Variants in NRXN1 observed in about 807,000 individuals in gnomAD.
NRXN1 encodes neurexin-1.
NRXN1 carries 39 observed loss-of-function variants against 150.9 expected under a neutral mutation model. That is an observed-to-expected ratio of 0.26 (90% CI 0.20 to 0.34). NRXN1 has a LOEUF of 0.34. Ranked by LOEUF, NRXN1 falls within the 10% of genes least tolerant of loss-of-function variation. The pLI, the probability that NRXN1 is intolerant of heterozygous loss-of-function variation, is 1.00. For missense variants in NRXN1, 1,815 were observed against 1,949.9 expected (o/e 0.93, Z 1.30); for synonymous variants, 924 against 757.0 (o/e 1.22, Z -3.62).
chr2:50,684,236 C>A (rs1690895858), intron 5 of NRXN1, among the ~76,000 whole-genome samples: 1 of 152,110 alleles, frequency 6.6e-6, no homozygotes, highest in African/African-American at 2.4e-5. Flanking sequence ...GTGGCTCATG[C>A]CTGTAATCCC....
At chr2:50,768,558 C>T (rs964159359) in intron 5 of NRXN1, among the ~76,000 whole-genome samples, 6 of 151,646 alleles carry the variant, frequency 4.0e-5, no homozygotes, top group Admixed American at 2.6e-4. Context: ...CTGCCCATGT[C>T]GGCCTCCCAA....
chr2:50,065,057 G>T lies in NRXN1; in HGVS notation c.3719-10013C>A, dbSNP rs570812612. ...GCTACAATTAAGTTTCATGCATGCT[G>T]GGAAATCCAGTTTTTCCGTATGAAA... is the stretch of plus-strand genomic sequence containing the variant. On this transcript the variant is annotated intron_variant, in intron 19 of 22. Transcript: ENST00000401669. Among the ~76,000 whole-genome samples the T allele has an allele frequency of 1.1e-3, 165 of 152,248 alleles. 2 individuals are homozygous for T. The highest frequency in any genetic ancestry group is 3.8e-3 in the African/African-American group (159 of 41,546).
intron 17 of NRXN1, among the ~76,000 whole-genome samples, chr2:50,393,802 A>G (rs550419221): frequency 6.6e-6 from 1 of 152,204 alleles, no homozygotes; most frequent in Non-Finnish European, 1.5e-5. Context: ...TACAATTCCC[A>G]GGAAAAAAGA....
At position 50,172,840 on chromosome 2, in the gene NRXN1, G is replaced by A. The variant is rs566460113; in HGVS notation, c.3546+63949C>T. On this transcript the variant is annotated intron_variant, in intron 18 of 22. Transcript: ENST00000401669. ...AAATTAGCCAGGCGTGGTAGTGGGC[G>A]CCTGTAGTCCCAGCCACTTGGGAGG... Among the ~76,000 whole-genome samples, 36 of 152,208 alleles carry A rather than the reference G, an allele frequency of 2.4e-4. No individual in the cohort carries two copies. In the Middle Eastern group the frequency reaches 0.02, roughly 86 times the overall value.
At chr2:50,948,434 CTT>C (rs1392938715) in intron 2 of NRXN1, among the ~76,000 whole-genome samples, 4 of 151,966 alleles carry the variant, frequency 2.6e-5, no homozygotes, top group Non-Finnish European at 5.9e-5. Flanking sequence ...AAAAAACACA[CTT>C]AAAATATACT....
chr2:50,488,126 G>A (rs145310664), intron 15 of NRXN1, among the ~76,000 whole-genome samples: 3 of 152,280 alleles, frequency 2.0e-5, no homozygotes, highest in Admixed American at 2.0e-4. Context: ...GGCAAACCCT[G>A]TCCCTGAATT....
At chr2:50,683,109 T>C (rs1206960014) in intron 5 of NRXN1, among the ~76,000 whole-genome samples, 1 of 152,074 alleles carries the variant, frequency 6.6e-6, no homozygotes, top group Non-Finnish European at 1.5e-5. Flanking sequence ...AAGGTCTCTA[T>C]CCTGCAATCC....
intron 12 of NRXN1, among the ~76,000 whole-genome samples, chr2:50,508,382 T>C (rs767864159): frequency 6.6e-6 from 1 of 151,110 alleles, no homozygotes; most frequent in Non-Finnish European, 1.5e-5. Context: ...AAAAATACTT[T>C]GAGATCAAAT....
rs542371709 is a variant in NRXN1 at position 50,321,924 on chromosome 2, T to C, written c.3365-84954A>G. ...TCTCATTTAATTTTTATATTTACTGTAATATGTATTATCTGCCCATTTTGT... is the reference window on the plus strand; with the variant it reads ...TCTCATTTAATTTTTATATTTACTGCAATATGTATTATCTGCCCATTTTGT... On this transcript the variant is annotated intron_variant, in intron 17 of 22. Transcript: ENST00000401669. Among the ~76,000 whole-genome samples, 28 of 152,048 alleles carry C rather than the reference T, an allele frequency of 1.8e-4. 1 individual carries two copies. In the South Asian group the frequency reaches 5.8e-3, roughly 32 times the overall value.
At chr2:50,858,046 C>G (rs551556234) in intron 5 of NRXN1, among the ~76,000 whole-genome samples, 2 of 151,656 alleles carry the variant, frequency 1.3e-5, no homozygotes, top group East Asian at 3.9e-4. Context: ...TTTCCTAAGA[C>G]CTAAAAGTAG....
chr2:50,582,858 C>G (rs866366733), intron 8 of NRXN1, among the ~76,000 whole-genome samples: 8 of 152,204 alleles, frequency 5.3e-5, no homozygotes, highest in South Asian at 2.1e-4. Context: ...CTATCAGAAC[C>G]AGTCCCACGT....
At chr2:50,029,891 C>A (rs1350407776) in intron 21 of NRXN1, among the ~76,000 whole-genome samples, 1 of 151,962 alleles carries the variant, frequency 6.6e-6, no homozygotes, top group Non-Finnish European at 1.5e-5. Flanking sequence ...CTATCTACCT[C>A]AAAATATTAT....
At position 50,448,316 on chromosome 2, in the gene NRXN1, T is replaced by G. The variant is rs1169427452; in HGVS notation, c.3364+17126A>C. Reference sequence around the variant, plus strand: ...GATTGCTTATGCTATTCATCTCACTTTCTCCCTCCAATTAAAGAATAGAAC... The same window carrying G: ...GATTGCTTATGCTATTCATCTCACTGTCTCCCTCCAATTAAAGAATAGAAC... On this transcript the variant is annotated intron_variant, in intron 17 of 22. Transcript: ENST00000401669. Among the ~76,000 whole-genome samples the G allele has an allele frequency of 2.6e-5, 4 of 152,154 alleles. No homozygotes were observed. In the East Asian group the frequency reaches 7.7e-4, roughly 29 times the overall value.
At chr2:49,922,337 T>A in intron 22 of NRXN1, 86 bp from the exon 23 acceptor site, 1 of 1,294,246 alleles carries the variant, frequency 7.7e-7, no homozygotes, top group Non-Finnish European at 1.1e-6. Flanking sequence ...TATTATCTAA[T>A]TCTAACAGCA....
chr2:50,694,349 G>A (rs1050823919), intron 5 of NRXN1, among the ~76,000 whole-genome samples: 4 of 151,910 alleles, frequency 2.6e-5, no homozygotes, highest in Admixed American at 2.0e-4. Context: ...TTTTTGCATC[G>A]GTTTCCCTCT....
chr2:50,756,852 T>C (rs1318834404), intron 5 of NRXN1, among the ~76,000 whole-genome samples: 1 of 151,818 alleles, frequency 6.6e-6, no homozygotes, highest in African/African-American at 2.4e-5. Flanking sequence ...AAGAGCATAT[T>C]TGCATGTTCC....
intron 22 of NRXN1, among the ~76,000 whole-genome samples, chr2:49,943,315 T>G (rs1672331786): frequency 1.3e-5 from 2 of 152,172 alleles, no homozygotes; most frequent in Admixed American, 6.5e-5. Context: ...GTGGGGACTT[T>G]TTGTCAGTAG....
chr2:50,680,791 A>G (rs1434610871), intron 5 of NRXN1, among the ~76,000 whole-genome samples: 1 of 152,070 alleles, frequency 6.6e-6, no homozygotes, highest in East Asian at 1.9e-4. Context: ...ATGCAGTGGA[A>G]AAAAAGGATA....
chr2:50,647,514 G>C (rs1684991799), intron 5 of NRXN1, among the ~76,000 whole-genome samples: 1 of 151,956 alleles, frequency 6.6e-6, no homozygotes, highest in Non-Finnish European at 1.5e-5. Context: ...CACTGCTTGT[G>C]TATAATCACA....
Sources: allele counts gnomAD v4.1 joint callset (sites outside exome capture counted in the v4.1 genomes callset), GRCh38; gene constraint gnomAD v4.1.1; transcripts MANE v1.5; gene names NCBI Gene and HGNC (gene_info 2026-07-23, HGNC 2026-07-21).